DLG2: variants seen among roughly 807,000 people sequenced by gnomAD.
The protein encoded by DLG2 is discs large MAGUK scaffold protein 2, also known as disks large homolog 2.
In DLG2, 45 loss-of-function variants were observed where a neutral mutation model predicts 132.5. That is an observed-to-expected ratio of 0.34 (90% CI 0.27 to 0.44). The LOEUF (loss-of-function observed/expected upper bound fraction) is 0.44, where lower values mean the gene tolerates loss of function less well. Ranked by LOEUF, DLG2 falls within the 20% of genes least tolerant of loss-of-function variation. The pLI, the probability that DLG2 is intolerant of heterozygous loss-of-function variation, is 1.00. For synonymous variants in DLG2, 424 were observed against 419.6 expected (o/e 1.01, Z -0.13); for missense variants, 1,045 against 1,196.9 (o/e 0.87, Z 1.87).
intron 26 of DLG2, among the ~76,000 whole-genome samples, chr11:83,466,425 A>G (rs999389909): frequency 6.6e-6 from 1 of 152,192 alleles, no homozygotes; most frequent in Non-Finnish European, 1.5e-5. Flanking sequence ...CAAAGAAAAC[A>G]ATCCGTGAAG....
intron 6 of DLG2, among the ~76,000 whole-genome samples, chr11:84,631,274 C>A (rs902941921): frequency 1.3e-4 from 20 of 151,164 alleles, no homozygotes; most frequent in African/African-American, 4.8e-4. Flanking sequence ...AAAAAAAAAT[C>A]TAATCCATTA....
At chr11:83,763,574 T>C (rs979006915) in intron 18 of DLG2, among the ~76,000 whole-genome samples, 2 of 152,170 alleles carry the variant, frequency 1.3e-5, no homozygotes, top group Admixed American at 1.3e-4. Flanking sequence ...ACCATGTGAG[T>C]TGCAAGGAAA....
chr11:83,568,004 T>G (rs190794880), intron 19 of DLG2, among the ~76,000 whole-genome samples: 1 of 152,284 alleles, frequency 6.6e-6, no homozygotes, highest in African/African-American at 2.4e-5. Flanking sequence ...AGGCGTATGA[T>G]CTTATATATG....
intron 8 of DLG2, among the ~76,000 whole-genome samples, chr11:84,164,382 C>T (rs1054149578): frequency 6.6e-6 from 1 of 152,176 alleles, no homozygotes; most frequent in Non-Finnish European, 1.5e-5. Flanking sequence ...TGATACGTGT[C>T]TTGGCAACAT....
intron 6 of DLG2, among the ~76,000 whole-genome samples, chr11:85,051,314 G>A (rs1043806134): frequency 6.6e-6 from 1 of 152,108 alleles, no homozygotes; most frequent in African/African-American, 2.4e-5. Flanking sequence ...TAAGAAGATA[G>A]ACCATTGGCA....
At chr11:84,933,786 A>T (rs1409230478) in intron 6 of DLG2, among the ~76,000 whole-genome samples, 1 of 152,228 alleles carries the variant, frequency 6.6e-6, no homozygotes, top group Non-Finnish European at 1.5e-5. Flanking sequence ...TTTTCTAGAT[A>T]TAAGATCATG....
At chr11:83,562,920 C>A (rs906806544) in intron 19 of DLG2, among the ~76,000 whole-genome samples, 3 of 150,862 alleles carry the variant, frequency 2.0e-5, no homozygotes, top group South Asian at 2.1e-4. Flanking sequence ...TTGTTCTCTG[C>A]ACATGGGGAG....
chr11:83,507,116 TAG>T (rs771052381), intron 21 of DLG2, among the ~76,000 whole-genome samples: 8 of 152,172 alleles, frequency 5.3e-5, no homozygotes. Context: ...GTATTATGTA[TAG>T]AGTCAATAAA....
In DLG2 at chr11:85,328,833, T is replaced by A. The variant is rs906257079; in HGVS notation, c.41-43468A>T. Among the ~76,000 whole-genome samples, 141 of 58,396 alleles carry A rather than the reference T, an allele frequency of 2.4e-3. 10 individuals carry two copies. Among genetic ancestry groups the A allele is most frequent in the Admixed American group, 0.022 (126 of 5,718 alleles). The allele number at this position is 58,396 out of a possible 152,430, so 38.3% of individuals were successfully genotyped here. On this transcript the variant is annotated intron_variant, in intron 3 of 27. Coordinates refer to ENST00000376104, the MANE Select transcript of DLG2 (RefSeq NM_001142699.3). ...TCAATTAGGAAAAGAGGAAGTCAAA[T>A]TGTCCCTGTTTGCAGACAACATGAT...
At chr11:84,789,195 G>A (rs1357479138) in intron 6 of DLG2, among the ~76,000 whole-genome samples, 1 of 152,094 alleles carries the variant, frequency 6.6e-6, no homozygotes, top group Non-Finnish European at 1.5e-5. Context: ...GCCACTCACT[G>A]CCTTTCCTGG....
intron 3 of DLG2, among the ~76,000 whole-genome samples, chr11:85,488,012 G>A (rs1305421662): frequency 6.6e-6 from 1 of 152,206 alleles, no homozygotes; most frequent in Non-Finnish European, 1.5e-5. Flanking sequence ...TTGTGGTAGT[G>A]AATAAGTCTC....
At chr11:84,564,081 A>C (rs1041834206) in intron 6 of DLG2, among the ~76,000 whole-genome samples, 1 of 152,204 alleles carries the variant, frequency 6.6e-6, no homozygotes, top group Non-Finnish European at 1.5e-5. Context: ...AAGAAGTCAG[A>C]TGTCAGTTAA....
chr11:84,529,127 C>CA (rs1333491716), intron 7 of DLG2, among the ~76,000 whole-genome samples: 1 of 152,098 alleles, frequency 6.6e-6, no homozygotes, highest in Non-Finnish European at 1.5e-5. Context: ...AGGAGAGATA[C>CA]ACAGAGTGTC....
At chr11:85,350,758 A>T (rs765269422) in intron 3 of DLG2, among the ~76,000 whole-genome samples, 6 of 152,080 alleles carry the variant, frequency 3.9e-5, no homozygotes, top group Non-Finnish European at 8.8e-5. Context: ...GTTCTGTTCC[A>T]TTGGTCTATG....
intron 7 of DLG2, among the ~76,000 whole-genome samples, chr11:84,487,860 G>T (rs79689879): frequency 1.2e-4 from 19 of 152,220 alleles, no homozygotes; most frequent in African/African-American, 4.3e-4. Flanking sequence ...AGAACCAGTT[G>T]GGGCGAAAGT....
At chr11:85,361,321 T>TA (rs397744804) in intron 3 of DLG2, among the ~76,000 whole-genome samples, 6 of 151,596 alleles carry the variant, frequency 4.0e-5, no homozygotes, top group Non-Finnish European at 5.9e-5. Context: ...TTTTTTTTTT[T>TA]AATTTTTATA....
At chr11:84,679,918 T>C (rs1055766895) in intron 6 of DLG2, among the ~76,000 whole-genome samples, 1 of 152,132 alleles carries the variant, frequency 6.6e-6, no homozygotes, top group African/African-American at 2.4e-5. Context: ...TATATACAGA[T>C]GACTATTACA....
chr11:84,921,069 G>A (rs1052836102), intron 6 of DLG2, among the ~76,000 whole-genome samples: 1 of 151,604 alleles, frequency 6.6e-6, no homozygotes, highest in Non-Finnish European at 1.5e-5. Context: ...AGAAATAAAA[G>A]CAAACACTTT....
intron 6 of DLG2, among the ~76,000 whole-genome samples, chr11:84,859,394 A>ACC: frequency 6.9e-6 from 1 of 145,152 alleles, no homozygotes; most frequent in East Asian, 2.0e-4. Context: ...GCATACATAT[A>ACC]TATGTATATA....
Sources: gnomAD v4.1 joint callset for allele counts (sites outside exome capture counted in the v4.1 genomes callset) on GRCh38, gnomAD v4.1.1 for gene constraint, MANE v1.5 for transcripts, NCBI Gene and HGNC (gene_info 2026-07-23, HGNC 2026-07-21) for gene names.